ZNF638: variants seen among roughly 807,000 people sequenced by gnomAD.
ZNF638 encodes CTCL tumor antigen se33-1.
A neutral mutation model predicts 195.6 loss-of-function variants in ZNF638; 46 were observed. That is an observed-to-expected ratio of 0.24 (90% CI 0.19 to 0.30). The LOEUF (loss-of-function observed/expected upper bound fraction) is 0.30. Among genes scored for constraint, ZNF638 ranks in the 10% least tolerant of loss-of-function variants. The probability of loss-of-function intolerance (pLI) is 1.00; values close to 1 mark genes in which losing one functional copy is unlikely to be tolerated. For missense variants in ZNF638, 2,440 were observed against 2,325.3 expected (o/e 1.05, Z -1.01); for synonymous variants, 845 against 772.0 (o/e 1.09, Z -1.57).
At chr2:71,421,270 G>C (rs534334919) in intron 21 of ZNF638, among the ~76,000 whole-genome samples, 10 of 151,844 alleles carry the variant, frequency 6.6e-5, no homozygotes, top group Non-Finnish European at 1.2e-4. Flanking sequence ...CTCTTTTCTG[G>C]TTGTGCTTTG....
chr2:71,380,303 A>G (rs763815669), intron 9 of ZNF638, 23 bp downstream of exon 9: 5 of 1,494,620 alleles, frequency 3.3e-6, no homozygotes, highest in Admixed American at 4.7e-5. Context: ...ATGATTTCAT[A>G]TGTGAGAATG....
chr2:71,368,999 GT>G (rs1360891318), intron 7 of ZNF638, among the ~76,000 whole-genome samples: 1 of 152,124 alleles, frequency 6.6e-6, no homozygotes, highest in African/African-American at 2.4e-5. Flanking sequence ...ACATGATAAA[GT>G]TAAGAACTGT....
Position 71,365,465 on chromosome 2 carries a change from C to A in ZNF638, c.1754C>A (p.Ser585Tyr). ...GCATTAGAAGATGTAGTACAACGAT[C>A]TGGGCATGGGACAGAATTTAATAAA... ...KKALEDVVQR[S>Y]GHGTEFNKQK... is the part of the protein sequence containing the mutation. The change falls in exon 6 of 28, where the codon TCT becomes TAT. Residue 585 changes from serine to tyrosine, a missense_variant. Transcript: ENST00000264447. 1 of 1,612,086 alleles carries A rather than the reference C, an allele frequency of 6.2e-7. No individual in the cohort carries two copies. The highest frequency in any genetic ancestry group is 8.5e-7 in the Non-Finnish European group (1 of 1,179,186).
At chr2:71,340,661 T>C (rs1481933655) in intron 1 of ZNF638, among the ~76,000 whole-genome samples, 1 of 152,224 alleles carries the variant, frequency 6.6e-6, no homozygotes, top group Admixed American at 6.5e-5. Context: ...TTTTCTTTCC[T>C]GCATGTTATA....
chr2:71,366,301 A>G (rs1392785226), intron 6 of ZNF638, among the ~76,000 whole-genome samples: 2 of 151,908 alleles, frequency 1.3e-5, no homozygotes, highest in African/African-American at 2.4e-5. Context: ...CAGAGGTTGC[A>G]GTGAGCTGAG....
intron 10 of ZNF638, chr2:71,395,693 G>A: frequency 2.2e-6 from 1 of 463,244 alleles, no homozygotes; most frequent in East Asian, 5.6e-5. Flanking sequence ...AGCTTATCAG[G>A]GCTGCATTCT....
At chr2:71,357,969 T>G (rs2079051470) in intron 3 of ZNF638, among the ~76,000 whole-genome samples, 1 of 152,184 alleles carries the variant, frequency 6.6e-6, no homozygotes, top group Admixed American at 6.6e-5. Flanking sequence ...GAGAATAAAT[T>G]TCTATTTAGA....
intron 21 of ZNF638, among the ~76,000 whole-genome samples, chr2:71,422,420 T>A (rs1317978311): frequency 2.0e-5 from 3 of 152,190 alleles, no homozygotes; most frequent in South Asian, 4.1e-4. Context: ...CATGGATCAT[T>A]AGTTTTATTG....
At chr2:71,373,296 TTTA>T (rs35331294) in intron 8 of ZNF638, among the ~76,000 whole-genome samples, 47,628 of 151,756 alleles carry the variant, frequency 0.31, 8,824 homozygotes, top group East Asian at 0.56. Flanking sequence ...CTTTTCCTAT[TTTA>T]TTATTGTTGT....
At chr2:71,333,044 T>C (rs183858231) in intron 1 of ZNF638, 5 of 152,318 alleles carry the variant, frequency 3.3e-5, no homozygotes, top group Non-Finnish European at 7.3e-5. Flanking sequence ...AATTAAAAAT[T>C]GATAACCTGG....
At chr2:71,332,515 T>C (rs995282616) in intron 1 of ZNF638, among the ~76,000 whole-genome samples, 9 of 152,168 alleles carry the variant, frequency 5.9e-5, no homozygotes, top group Non-Finnish European at 1.2e-4. Flanking sequence ...AAAGAAAATA[T>C]CACCTCTGTG....
In ZNF638 at chr2:71,423,870, C is replaced by A. The variant is rs1229326766; in HGVS notation, c.4356C>A (p.Ser1452Arg). The A allele has an allele frequency of 1.9e-6, 3 of 1,614,054 alleles. No homozygotes were observed. The highest frequency in any genetic ancestry group is 4.5e-5 in the East Asian group (2 of 44,882). ...PTSARSGLAE[S>R]SSKFKPTQSS... is the part of the protein sequence containing the mutation. ...GTGCCAGGTCAGGCTTGGCAGAAAG[C>A]AGCAGTAAATTCAAACCTACTCAGA... The change falls in exon 22 of 28, where the codon AGC becomes AGA. Residue 1452 changes from serine (S) to arginine (R), a missense_variant. Ser to Arg is a moderately radical substitution (Grantham distance 110, BLOSUM62 -1). Around this residue, in one of 5 missense-constraint regions of ZNF638, gnomAD observed 1,883 missense variants for 1,739.1 expected, o/e 1.08. Coordinates refer to ENST00000264447, the MANE Select transcript of ZNF638 (RefSeq NM_014497.5).
At chr2:71,332,368 T>C (rs1310847897) in intron 1 of ZNF638, among the ~76,000 whole-genome samples, 1 of 152,154 alleles carries the variant, frequency 6.6e-6, no homozygotes, top group African/African-American at 2.4e-5. Context: ...ACCAGCGACA[T>C]TGTGCAAGAA....
chr2:71,433,365 T>TC (rs34126477), intron 27 of ZNF638, 82 bp downstream of exon 27: 84,859 of 979,344 alleles, frequency 0.087, 4,479 homozygotes, highest in East Asian at 0.16. Context: ...AACGTACATT[T>TC]CCCCCCGCTT....
rs757006224 is a variant in ZNF638, at chr2:71,400,530, T to C, written c.2697+12T>C. 4.4e-6 allele frequency: 7 copies of C among 1,594,270 alleles called. No individual in the cohort carries two copies. The highest frequency in any genetic ancestry group is 6.0e-6 in the Non-Finnish European group (7 of 1,171,890). ...AACCACTTAACAAGGTCAGTTTTCA[T>C]GTTTTATTTATTTCTTTAAAGCTCA... On this transcript the variant is annotated intron_variant, in intron 15 of 27. Transcript: ENST00000264447.
chr2:71,342,683 CG>C (rs1558828577), intron 1 of ZNF638, among the ~76,000 whole-genome samples: 1 of 151,312 alleles, frequency 6.6e-6, no homozygotes. Flanking sequence ...TTTGTGCGTG[CG>C]TGTGTGTGTG....
At chr2:71,405,522 T>C in intron 17 of ZNF638, 79 bp from the exon 18 acceptor site, 1 of 863,206 alleles carries the variant, frequency 1.2e-6, no homozygotes, top group South Asian at 1.6e-5. Flanking sequence ...TAGATTGTCA[T>C]GTTATAAATC....
At chr2:71,365,751 C>G (rs761174945) in intron 6 of ZNF638, 45 bp downstream of exon 6, 2 of 1,502,190 alleles carry the variant, frequency 1.3e-6, no homozygotes, top group Admixed American at 2.0e-5. Context: ...AGGTTTCACT[C>G]TGTCATCCTC....
Position 71,405,609 on chromosome 2 carries a change from A to G in ZNF638, c.2967A>G (p.Ile989Met), listed in dbSNP as rs1046789823. 1.3e-6 allele frequency: 2 copies of G among 1,572,666 alleles called. No individual in the cohort carries two copies. Among genetic ancestry groups the G allele is most frequent in the African/African-American group, 1.4e-5 (1 of 73,050 alleles). ...CTATTTTTGCTTTTTAGGAAGCTAT[A>G]TTTATAACCTTGGTAAAAGAAAATG... The part of the protein sequence containing the change: ...ENMNIKDEEA[I>M]FITLVKENDP... Residue 989 changes from isoleucine to methionine, a missense_variant, in exon 18 of 28, where the codon ATA becomes ATG. Ile to Met is a conservative substitution (Grantham distance 10). Around this residue, in one of 5 missense-constraint regions of ZNF638, gnomAD observed 1,883 missense variants for 1,739.1 expected, o/e 1.08. Coordinates refer to ENST00000264447, the MANE Select transcript of ZNF638 (RefSeq NM_014497.5).
Sources: allele counts gnomAD v4.1 joint callset (sites outside exome capture counted in the v4.1 genomes callset), GRCh38; gene constraint gnomAD v4.1.1; regional missense constraint gnomAD v4.1.1; transcripts MANE v1.5; gene names NCBI Gene and HGNC (gene_info 2026-07-23, HGNC 2026-07-21).